The following CEP85L variants were observed in gnomAD, a reference collection of about 807,000 sequenced individuals.
CEP85L encodes centrosomal protein 85L.
CEP85L carries 60 observed loss-of-function variants against 100.3 expected under a neutral mutation model. The ratio of observed to expected loss-of-function variants is 0.60; its 90% CI spans 0.49 to 0.74. The LOEUF is 0.74. Ranked by LOEUF, CEP85L falls within the 30% of genes least tolerant of loss-of-function variation. CEP85L has a pLI of 0.00. For missense variants in CEP85L, 973 were observed against 936.2 expected (o/e 1.04, Z -0.51); for synonymous variants, 319 against 322.7 (o/e 0.99, Z 0.12).
chr6:118,630,778 T>C (rs990295262), intron 2 of CEP85L, among the ~76,000 whole-genome samples: 2 of 152,242 alleles, frequency 1.3e-5, no homozygotes, highest in African/African-American at 2.4e-5. Flanking sequence ...GGAGCCCAGC[T>C]GCACAGCAGG....
chr6:118,490,148 A>G (rs73766518), intron 6 of CEP85L, among the ~76,000 whole-genome samples: 2,150 of 152,264 alleles, frequency 0.014, 73 homozygotes, highest in African/African-American at 0.049. Context: ...CTTATATGAG[A>G]TAAATGAAAC....
chr6:118,643,237 A>C (rs1277486018), intron 1 of CEP85L, among the ~76,000 whole-genome samples: 1 of 152,230 alleles, frequency 6.6e-6, no homozygotes, highest in Non-Finnish European at 1.5e-5. Context: ...TTTTCAGTAC[A>C]TTATTCCTAA....
upstream of CEP85L, chr6:118,651,742 C>G: frequency 1.0e-6 from 1 of 987,066 alleles, no homozygotes; most frequent in Non-Finnish European, 1.2e-6. Context: ...CCCGACCCCG[C>G]TTCGCCTCCT....
intron 4 of CEP85L, among the ~76,000 whole-genome samples, chr6:118,516,667 T>C (rs1776299223): frequency 1.3e-5 from 2 of 152,170 alleles, no homozygotes; most frequent in African/African-American, 2.4e-5. Flanking sequence ...GATGGATACA[T>C]TGCAAAAATG....
intron 1 of CEP85L, among the ~76,000 whole-genome samples, chr6:118,680,582 T>TA (rs141722955): frequency 0.027 from 4,090 of 152,064 alleles, 187 homozygotes; most frequent in African/African-American, 0.093. Flanking sequence ...ACACAGCTAA[T>TA]AAAGACATTC....
chr6:118,494,411 G>C (rs1263312018), intron 5 of CEP85L, among the ~76,000 whole-genome samples: 1 of 152,194 alleles, frequency 6.6e-6, no homozygotes, highest in Admixed American at 6.5e-5. Flanking sequence ...TATTTTACCA[G>C]AGCCTAAACT....
chr6:118,579,352 G>A (rs1452629703), intron 2 of CEP85L, among the ~76,000 whole-genome samples: 5 of 151,204 alleles, frequency 3.3e-5, no homozygotes, highest in African/African-American at 4.9e-5. Context: ...GGGGACGGGC[G>A]GGAAGCTGGT....
intron 1 of CEP85L, among the ~76,000 whole-genome samples, chr6:118,669,927 G>A (rs1776244455): frequency 6.7e-6 from 1 of 149,936 alleles, no homozygotes; most frequent in Non-Finnish European, 1.5e-5. Flanking sequence ...TAACTCATGT[G>A]TAAGAGGAAA....
At chr6:118,651,952 T>A (rs1169640888), upstream of CEP85L, 2 of 983,474 alleles carry the variant, frequency 2.0e-6, no homozygotes, top group African/African-American at 1.7e-5. Context: ...CCGCTCGAGA[T>A]GAAAAAGCCA....
chr6:118,514,637 T>C (rs1185190482), intron 4 of CEP85L, among the ~76,000 whole-genome samples: 3 of 151,576 alleles, frequency 2.0e-5, no homozygotes, highest in Admixed American at 1.3e-4. Context: ...AAGGCAGACA[T>C]TGGCAGAATG....
At chr6:118,701,168 C>A (rs1214396903) in intron 1 of CEP85L, among the ~76,000 whole-genome samples, 1 of 152,214 alleles carries the variant, frequency 6.6e-6, no homozygotes, top group Non-Finnish European at 1.5e-5. Context: ...GGTTCCTGCG[C>A]TTATACACTG....
chr6:118,651,995 C>T (rs952102712), upstream of CEP85L: 7 of 728,210 alleles, frequency 9.6e-6, no homozygotes, highest in Non-Finnish European at 1.2e-5. Flanking sequence ...CTTCCAGCCT[C>T]CCTTGGAATT....
At chr6:118,707,979 G>GA (rs1777653342) in intron 1 of CEP85L, among the ~76,000 whole-genome samples, 1 of 133,004 alleles carries the variant, frequency 7.5e-6, no homozygotes, top group Admixed American at 7.6e-5. Context: ...TTGGGGGGGG[G>GA]ACGGGGGGGA....
chr6:118,653,390 G>A (rs1246648757), upstream of CEP85L, among the ~76,000 whole-genome samples: 2 of 152,160 alleles, frequency 1.3e-5, no homozygotes, highest in African/African-American at 4.8e-5. Context: ...GAAATACTAA[G>A]TGAGAATATT....
intron 1 of CEP85L, among the ~76,000 whole-genome samples, chr6:118,639,051 C>T (rs1445374888): frequency 6.6e-6 from 1 of 152,060 alleles, no homozygotes. Context: ...TAATACAAAT[C>T]GAGAATACAA....
intron 3 of CEP85L, among the ~76,000 whole-genome samples, chr6:118,550,725 G>A (rs146619427): frequency 4.7e-4 from 71 of 151,878 alleles, no homozygotes; most frequent in African/African-American, 1.6e-3. Context: ...CCATGACACT[G>A]ACAAACAAAA....
At chr6:118,587,478 A>AG (rs113080268) in intron 2 of CEP85L, among the ~76,000 whole-genome samples, 1 of 152,354 alleles carries the variant, frequency 6.6e-6, no homozygotes, top group African/African-American at 2.4e-5. Flanking sequence ...GTGATATACA[A>AG]GGATAGAAGC....
chr6:118,600,068 C>T (rs967463339), intron 2 of CEP85L, among the ~76,000 whole-genome samples: 35 of 146,882 alleles, frequency 2.4e-4, no homozygotes, highest in African/African-American at 7.6e-4. Flanking sequence ...TAGGAGTCCA[C>T]ATTGATATAA....
At chr6:118,528,726 A>G (rs1246678723) in intron 3 of CEP85L, among the ~76,000 whole-genome samples, 1 of 152,194 alleles carries the variant, frequency 6.6e-6, no homozygotes, top group Non-Finnish European at 1.5e-5. Flanking sequence ...GAGACATTTT[A>G]CCTTCTAAGG....
Sources: gnomAD v4.1 joint callset for allele counts (sites outside exome capture counted in the v4.1 genomes callset) on GRCh38, gnomAD v4.1.1 for gene constraint, MANE v1.5 for transcripts, NCBI Gene and HGNC (gene_info 2026-07-23, HGNC 2026-07-21) for gene names.